Variants in MED13L observed in about 807,000 individuals in gnomAD.
MED13L encodes mediator of RNA polymerase II transcription subunit 13-like.
Under a neutral mutation model 220.9 loss-of-function variants are expected in MED13L, and 7 were observed. That is an observed-to-expected ratio of 0.03 (90% CI 0.02 to 0.06). The LOEUF (loss-of-function observed/expected upper bound fraction) is 0.06, where lower values mean the gene tolerates loss of function less well. Among genes scored for constraint, MED13L ranks in the 10% least tolerant of loss-of-function variants. The probability of loss-of-function intolerance (pLI) is 1.00; values close to 1 mark genes in which losing one functional copy is unlikely to be tolerated. For synonymous variants in MED13L, 1,011 were observed against 1,015.2 expected (o/e 1.00, Z 0.08); for missense variants, 1,965 against 2,760.5 (o/e 0.71, Z 6.46).
intron 1 of MED13L, among the ~76,000 whole-genome samples, chr12:116,268,900 G>A (rs1260721150): frequency 6.6e-6 from 1 of 152,238 alleles, no homozygotes; most frequent in African/African-American, 2.4e-5. Flanking sequence ...ATCTAATGAA[G>A]ACTTAAATAT....
chr12:116,088,042 ACCTGAGTTACC>A (rs1871865786), intron 4 of MED13L, among the ~76,000 whole-genome samples: 1 of 152,114 alleles, frequency 6.6e-6, no homozygotes. Context: ...ATCTGCAAAA[ACCTGAGTTACC>A]AAATGCAGGA....
At chr12:116,009,934 C>T (rs914890536) in intron 9 of MED13L, among the ~76,000 whole-genome samples, 1 of 152,188 alleles carries the variant, frequency 6.6e-6, no homozygotes, top group Non-Finnish European at 1.5e-5. Context: ...CAGCCAGTAC[C>T]TCCCAATATA....
At chr12:116,228,872 A>G (rs1204122616) in intron 2 of MED13L, among the ~76,000 whole-genome samples, 1 of 152,174 alleles carries the variant, frequency 6.6e-6, no homozygotes. Context: ...CTAAGAAAAT[A>G]TTTTGCTAAG....
chr12:116,052,026 G>A (rs1868548735), intron 4 of MED13L, among the ~76,000 whole-genome samples: 1 of 151,838 alleles, frequency 6.6e-6, no homozygotes, highest in Non-Finnish European at 1.5e-5. Context: ...AGTGGTAGCC[G>A]ACCAGTTTTG....
intron 1 of MED13L, among the ~76,000 whole-genome samples, chr12:116,267,903 G>T (rs1264304131): frequency 6.6e-6 from 1 of 152,080 alleles, no homozygotes; most frequent in East Asian, 1.9e-4. Flanking sequence ...CTTTAATAAG[G>T]AAATTCTAGA....
intron 1 of MED13L, among the ~76,000 whole-genome samples, chr12:116,250,481 C>T (rs1305767737): frequency 2.0e-5 from 3 of 151,216 alleles, no homozygotes; most frequent in Admixed American, 6.6e-5. Flanking sequence ...CTTTTTTTCT[C>T]GGCCGGGCAT....
At chr12:115,992,101 T>C in intron 16 of MED13L, 144 bp from the exon 17 acceptor site, 4 of 759,676 alleles carry the variant, frequency 5.3e-6, no homozygotes, top group East Asian at 2.7e-5. Context: ...TTTAATTTTC[T>C]CTTAAAAAAA....
chr12:116,244,508 A>G (rs139354765), intron 1 of MED13L, among the ~76,000 whole-genome samples: 7 of 152,360 alleles, frequency 4.6e-5, no homozygotes, highest in African/African-American at 1.7e-4. Context: ...TACAATACGT[A>G]AGAAAACTGA....
intron 2 of MED13L, among the ~76,000 whole-genome samples, chr12:116,129,784 C>A (rs1040258018): frequency 6.6e-6 from 1 of 152,014 alleles, no homozygotes; most frequent in African/African-American, 2.4e-5. Context: ...TGGCGCGTGC[C>A]TGTAGTCTCA....
chr12:116,036,044 C>T (rs1881176295), intron 4 of MED13L, among the ~76,000 whole-genome samples: 1 of 152,160 alleles, frequency 6.6e-6, no homozygotes, highest in African/African-American at 2.4e-5. Flanking sequence ...TTGATGGTCT[C>T]CCTCACCATA....
At chr12:116,276,788 C>T in intron 1 of MED13L, 1 of 1,252,738 alleles carries the variant, frequency 8.0e-7, no homozygotes, top group Non-Finnish European at 1.0e-6. Flanking sequence ...AAGTGCGACC[C>T]AGAATCCGCA....
intron 2 of MED13L, among the ~76,000 whole-genome samples, chr12:116,232,820 C>T (rs1869691655): frequency 6.6e-6 from 1 of 152,202 alleles, no homozygotes; most frequent in Non-Finnish European, 1.5e-5. Flanking sequence ...GGCCCAGTGG[C>T]TCACGCCTGT....
At chr12:116,002,935 G>T in intron 14 of MED13L, 68 bp downstream of exon 14, 1 of 1,216,088 alleles carries the variant, frequency 8.2e-7, no homozygotes, top group Non-Finnish European at 1.2e-6. Flanking sequence ...GCACCACTAA[G>T]TATGAGAATA....
intron 1 of MED13L, among the ~76,000 whole-genome samples, chr12:116,244,200 T>C (rs1211818851): frequency 2.0e-5 from 3 of 152,238 alleles, no homozygotes; most frequent in African/African-American, 4.8e-5. Context: ...ACCACTGCAG[T>C]AGAGTAGGTT....
intron 2 of MED13L, among the ~76,000 whole-genome samples, chr12:116,192,702 A>G (rs779268979): frequency 9.9e-5 from 15 of 152,108 alleles, no homozygotes; most frequent in Non-Finnish European, 1.8e-4. Context: ...TAAAAAAACA[A>G]CCCTGACCCT....
At chr12:116,176,771 C>G (rs1026437573) in intron 2 of MED13L, among the ~76,000 whole-genome samples, 1 of 140,792 alleles carries the variant, frequency 7.1e-6, no homozygotes, top group Admixed American at 7.9e-5. Flanking sequence ...ACAGATGAAA[C>G]AAAGACATGA....
chr12:116,245,551 CTT>C (rs1871025764), intron 1 of MED13L, among the ~76,000 whole-genome samples: 1 of 152,068 alleles, frequency 6.6e-6, no homozygotes, highest in Admixed American at 6.5e-5. Context: ...GAGAAGAAAA[CTT>C]TAAAAACACC....
At chr12:116,106,732 G>C (rs1333856425) in intron 3 of MED13L, among the ~76,000 whole-genome samples, 9 of 151,908 alleles carry the variant, frequency 5.9e-5, no homozygotes, top group African/African-American at 2.2e-4. Flanking sequence ...TGTAATCCCA[G>C]CTACTGGGGA....
intron 2 of MED13L, among the ~76,000 whole-genome samples, chr12:116,176,256 C>T (rs971984044): frequency 6.6e-6 from 1 of 152,088 alleles, no homozygotes; most frequent in African/African-American, 2.4e-5. Flanking sequence ...TAATAGCAGA[C>T]CATCCTTTAT....
Sources: allele counts gnomAD v4.1 joint callset (sites outside exome capture counted in the v4.1 genomes callset), GRCh38; gene constraint gnomAD v4.1.1; transcripts MANE v1.5; gene names NCBI Gene and HGNC (gene_info 2026-07-23, HGNC 2026-07-21).